Variants in DPP10 observed in about 807,000 individuals in gnomAD.
DPP10 encodes inactive dipeptidyl peptidase 10.
DPP10 carries 33 observed loss-of-function variants against 120.9 expected under a neutral mutation model. The observed-to-expected ratio is 0.27, with a 90% CI of 0.21 to 0.37. The LOEUF (loss-of-function observed/expected upper bound fraction) is 0.37, where lower values mean the gene tolerates loss of function less well. Ranked by LOEUF, DPP10 falls within the 10% of genes least tolerant of loss-of-function variation. DPP10 has a pLI of 1.00. For missense variants in DPP10, 816 were observed against 942.8 expected, an observed-to-expected ratio of 0.87 and a Z score of 1.76; for synonymous variants, 337 against 326.1, an observed-to-expected ratio of 1.03 and a Z score of -0.36.
At chr2:115,217,745 A>C (rs1229308449) in intron 1 of DPP10, among the ~76,000 whole-genome samples, 4 of 152,112 alleles carry the variant, frequency 2.6e-5, no homozygotes, top group Non-Finnish European at 5.9e-5. Context: ...GCTTTGCCCA[A>C]ATTATTTTGT....
chr2:115,509,002 T>C (rs1408875680), intron 4 of DPP10, among the ~76,000 whole-genome samples: 1 of 152,062 alleles, frequency 6.6e-6, no homozygotes, highest in Non-Finnish European at 1.5e-5. Context: ...CATGGAGTAT[T>C]AGAAACAAAG....
intron 1 of DPP10, among the ~76,000 whole-genome samples, chr2:114,802,326 A>G (rs1684323324): frequency 1.3e-5 from 2 of 152,232 alleles, no homozygotes; most frequent in South Asian, 2.1e-4. Context: ...ATGTAGTTTG[A>G]TTACATCCCC....
chr2:114,606,843 A>C (rs1305979880), intron 1 of DPP10, among the ~76,000 whole-genome samples: 1 of 152,210 alleles, frequency 6.6e-6, no homozygotes, highest in Non-Finnish European at 1.5e-5. Context: ...ACAAAGTGTT[A>C]CTGGGTATTT....
chr2:115,240,174 C>T (rs1392620381), intron 1 of DPP10, among the ~76,000 whole-genome samples: 1 of 152,184 alleles, frequency 6.6e-6, no homozygotes, highest in Admixed American at 6.5e-5. Context: ...TGAGGAATCA[C>T]CACAGTGTCT....
At chr2:114,846,518 C>T (rs759586715) in intron 1 of DPP10, among the ~76,000 whole-genome samples, 3 of 151,968 alleles carry the variant, frequency 2.0e-5, no homozygotes, top group African/African-American at 4.8e-5. Flanking sequence ...ACAACATAGA[C>T]CCAAATAGGT....
rs371617898 is a variant in DPP10 at position 114,442,871 on chromosome 2, A to G, written c.60+33A>G. On this transcript the variant is annotated intron_variant, in intron 1 of 25. Coordinates refer to ENST00000410059, the MANE Select transcript of DPP10 (RefSeq NM_020868.6). Reference sequence around the variant, plus strand: ...CTGGTTTTTCCCTCTGCTTCTGCACATGTGTCTTCATTCATCTACCTAACA... The same window carrying G: ...CTGGTTTTTCCCTCTGCTTCTGCACGTGTGTCTTCATTCATCTACCTAACA... 38 of 1,611,526 alleles carry G rather than the reference A, an allele frequency of 2.4e-5. No individual in the cohort carries two copies. The African/African-American group carries it at 2.7e-4, about 11-fold the overall frequency.
At chr2:115,409,215 A>G (rs2068753586) in intron 3 of DPP10, among the ~76,000 whole-genome samples, 1 of 152,182 alleles carries the variant, frequency 6.6e-6, no homozygotes, top group Non-Finnish European at 1.5e-5. Context: ...AACTGTGAAA[A>G]ACCTAGGTGA....
At chr2:115,618,308 T>C (rs1008270202) in intron 5 of DPP10, among the ~76,000 whole-genome samples, 5 of 152,168 alleles carry the variant, frequency 3.3e-5, no homozygotes, top group African/African-American at 1.2e-4. Flanking sequence ...TTGAGTGCAA[T>C]GTGTCAGTTG....
At chr2:114,615,307 A>G (rs1374584209) in intron 1 of DPP10, among the ~76,000 whole-genome samples, 1 of 152,156 alleles carries the variant, frequency 6.6e-6, no homozygotes, top group Non-Finnish European at 1.5e-5. Flanking sequence ...AATTTTCTAC[A>G]TACTGAGCAC....
chr2:115,073,445 G>A (rs1383202282), intron 1 of DPP10, among the ~76,000 whole-genome samples: 1 of 152,242 alleles, frequency 6.6e-6, no homozygotes, highest in African/African-American at 2.4e-5. Flanking sequence ...GGAGGTGGGT[G>A]TGTGGTGGAA....
intron 1 of DPP10, among the ~76,000 whole-genome samples, chr2:114,845,500 C>T (rs149210418): frequency 2.4e-4 from 36 of 152,142 alleles, no homozygotes; most frequent in African/African-American, 8.4e-4. Flanking sequence ...GTAATACAAC[C>T]CAATGCATAC....
At chr2:114,947,441 T>C (rs924257689) in intron 1 of DPP10, among the ~76,000 whole-genome samples, 2 of 151,990 alleles carry the variant, frequency 1.3e-5, no homozygotes, top group Middle Eastern at 3.4e-3. Flanking sequence ...TTTATGTGAA[T>C]TTGAGTTTCA....
chr2:115,762,870 A>G (rs796121045), intron 12 of DPP10, among the ~76,000 whole-genome samples: 11 of 152,304 alleles, frequency 7.2e-5, no homozygotes, highest in African/African-American at 2.6e-4. Context: ...GTGTAAGTAC[A>G]CTCTTGTGTA....
Position 115,609,470 on chromosome 2 carries a change from T to G in DPP10, c.442-80217T>G, listed in dbSNP as rs532305257. Among the ~76,000 whole-genome samples the G allele has an allele frequency of 7.9e-5, 12 of 152,290 alleles. No homozygotes were observed. The South Asian group carries it at 2.5e-3, about 32-fold the overall frequency. ...TGAAGGGATATTCCAGGATTCCATTTTTTAGCAGTCCCAGAGAGTAACTAA... is the reference window on the plus strand; with the variant it reads ...TGAAGGGATATTCCAGGATTCCATTGTTTAGCAGTCCCAGAGAGTAACTAA... On this transcript the variant is annotated intron_variant, in intron 5 of 25. Transcript: ENST00000410059.
chr2:114,941,783 G>C (rs529403774), intron 1 of DPP10, among the ~76,000 whole-genome samples: 1 of 152,200 alleles, frequency 6.6e-6, no homozygotes, highest in South Asian at 2.1e-4. Flanking sequence ...CACATTCCTA[G>C]TTGCTATTAT....
chr2:115,595,794 A>G (rs1048491302), intron 5 of DPP10, among the ~76,000 whole-genome samples: 5 of 152,066 alleles, frequency 3.3e-5, no homozygotes, highest in Admixed American at 2.0e-4. Flanking sequence ...AACAATTCTT[A>G]TAAACCTTTA....
chr2:115,780,863 T>C lies in DPP10; in HGVS notation c.1362-11T>C, dbSNP rs557216591. 39 of 1,595,870 alleles carry C rather than the reference T, an allele frequency of 2.4e-5. No homozygotes were observed. The South Asian group carries it at 4.2e-4, about 17-fold the overall frequency. The stretch of plus-strand genomic sequence containing the variant: ...AGCATTTCTATAATAACTTCCTTTT[T>C]CTTTCTCCAGTGCTTCTACTGAAGG... On this transcript the variant is annotated splice_polypyrimidine_tract_variant and intron_variant, in intron 15 of 25. Coordinates refer to ENST00000410059, the MANE Select transcript of DPP10 (RefSeq NM_020868.6).
intron 5 of DPP10, among the ~76,000 whole-genome samples, chr2:115,527,361 A>G (rs1274876732): frequency 6.6e-6 from 1 of 152,142 alleles, no homozygotes; most frequent in Non-Finnish European, 1.5e-5. Flanking sequence ...CAAAAACATC[A>G]TATTGGCTTA....
chr2:115,465,495 G>T (rs1257824585), intron 3 of DPP10, among the ~76,000 whole-genome samples: 4 of 152,240 alleles, frequency 2.6e-5, no homozygotes, highest in East Asian at 3.9e-4. Flanking sequence ...GAAAATTAAG[G>T]ATTAAGATTT....
Sources: allele counts gnomAD v4.1 joint callset (sites outside exome capture counted in the v4.1 genomes callset), GRCh38; gene constraint gnomAD v4.1.1; transcripts MANE v1.5; gene names NCBI Gene and HGNC (gene_info 2026-07-23, HGNC 2026-07-21).